The following MYO18A variants were observed in gnomAD, a reference collection of about 807,000 sequenced individuals.
MYO18A encodes the protein unconventional myosin-XVIIIa.
In MYO18A, 78 loss-of-function variants were observed where a neutral mutation model predicts 235.8. The observed-to-expected ratio is 0.33, with a 90% confidence interval of 0.28 to 0.40. The LOEUF (loss-of-function observed/expected upper bound fraction) is 0.40. Ranked by LOEUF, MYO18A falls within the 10% of genes least tolerant of loss-of-function variation. The probability of loss-of-function intolerance (pLI) is 1.00; values close to 1 mark genes in which losing one functional copy is unlikely to be tolerated. For missense variants in MYO18A, 2,215 were observed against 2,699.3 expected (o/e 0.82, Z 3.98); for synonymous variants, 977 against 1,077.8 (o/e 0.91, Z 1.83).
intron 2 of MYO18A, among the ~76,000 whole-genome samples, chr17:29,136,465 C>A (rs549928079): frequency 2.6e-5 from 4 of 152,084 alleles, no homozygotes; most frequent in African/African-American, 9.6e-5. Flanking sequence ...TCTTCCTTGA[C>A]TTGTTCTCTC....
In MYO18A at chr17:29,099,687, A is replaced by T. The variant is rs2066608988; in HGVS notation, c.3583T>A (p.Phe1195Ile). Reference sequence around the variant, plus strand: ...AGGTAGCCCCTGCAGGCTGCTTGGAACAGGGTTAGGTTCCTGCTGGTTTGT... The same window carrying T: ...AGGTAGCCCCTGCAGGCTGCTTGGATCAGGGTTAGGTTCCTGCTGGTTTGT... ...DEQTSRNLTL[F>I]QAACRGYLAR... Residue 1195 changes from phenylalanine to isoleucine, a missense_variant, in exon 22 of 42, where the codon TTC (phenylalanine) becomes ATC (isoleucine). Transcript: ENST00000527372. The T allele has an allele frequency of 6.2e-7, 1 of 1,613,582 alleles. No individual in the cohort carries two copies. The highest frequency in any genetic ancestry group is 1.3e-5 in the African/African-American group (1 of 74,886).
intron 2 of MYO18A, among the ~76,000 whole-genome samples, chr17:29,164,366 G>A (rs1258523729): frequency 6.6e-6 from 1 of 152,148 alleles, no homozygotes; most frequent in African/African-American, 2.4e-5. Flanking sequence ...ACCCTTCCCT[G>A]ACTAGCAAAG....
intron 2 of MYO18A, among the ~76,000 whole-genome samples, chr17:29,131,806 C>T (rs2067480951): frequency 6.6e-6 from 1 of 152,254 alleles, no homozygotes; most frequent in East Asian, 1.9e-4. Flanking sequence ...CTACAAGAGT[C>T]ATCCCTAGCT....
intron 30 of MYO18A, 133 bp downstream of exon 30, chr17:29,094,517 T>G: frequency 3.3e-6 from 3 of 904,144 alleles, no homozygotes; most frequent in South Asian, 1.6e-5. Context: ...CACTCCACAT[T>G]TTGTGAGTAG....
At chr17:29,172,526 C>A (rs1486169959) in intron 1 of MYO18A, among the ~76,000 whole-genome samples, 1 of 151,634 alleles carries the variant, frequency 6.6e-6, no homozygotes, top group African/African-American at 2.4e-5. Flanking sequence ...AAATCTCAGG[C>A]AAATCACTTA....
intron 18 of MYO18A, 91 bp from the exon 19 acceptor site, chr17:29,110,192 G>C (rs2066895309): frequency 6.6e-6 from 10 of 1,510,526 alleles, no homozygotes; most frequent in Admixed American, 5.5e-5. Flanking sequence ...CTGCTCACAG[G>C]GTAGCAGCGG....
intron 40 of MYO18A, among the ~76,000 whole-genome samples, chr17:29,083,201 C>A (rs879371995): frequency 6.6e-6 from 1 of 152,182 alleles, no homozygotes; most frequent in Non-Finnish European, 1.5e-5. Context: ...CTCAAGGTCT[C>A]CTCTTCCGTC....
intron 1 of MYO18A, among the ~76,000 whole-genome samples, chr17:29,168,837 C>T (rs956474436): frequency 2.0e-5 from 3 of 152,192 alleles, no homozygotes; most frequent in African/African-American, 7.2e-5. Context: ...TGGCTCATGC[C>T]TGTAATCCCC....
Position 29,121,808 on chromosome 17 carries a change from C to T in MYO18A, c.1194+43G>A, listed in dbSNP as rs763557339. 3 of 1,611,942 alleles carry T rather than the reference C, an allele frequency of 1.9e-6. No individual in the cohort carries two copies. The highest frequency in any genetic ancestry group is 2.7e-5 in the African/African-American group (2 of 74,886). On this transcript the variant is annotated intron_variant, in intron 4 of 41. Coordinates refer to ENST00000527372, the MANE Select transcript of MYO18A (RefSeq NM_078471.4). The surrounding 1 kb of genome is among the most constrained non-coding windows in gnomAD (Gnocchi z 4.2). Reference sequence around the variant, plus strand: ...GGATGGGCCTGCCCTGCCCAGTGCACTCCTGAGCCTCCTCCCCCACACCCA... The same window carrying T: ...GGATGGGCCTGCCCTGCCCAGTGCATTCCTGAGCCTCCTCCCCCACACCCA...
intron 1 of MYO18A, among the ~76,000 whole-genome samples, chr17:29,171,192 G>A (rs1489205055): frequency 2.0e-5 from 3 of 152,214 alleles, no homozygotes; most frequent in African/African-American, 7.2e-5. Context: ...GCTCACGCCT[G>A]TAATACCAGC....
chr17:29,166,883 CCTT>C lies in MYO18A; in HGVS notation c.55_57del (p.Lys19del), dbSNP rs766607480. The C allele has an allele frequency of 1.5e-5, 24 of 1,551,458 alleles. No individual in the cohort carries two copies. Among genetic ancestry groups the C allele is most frequent in the East Asian group, 1.5e-4 (6 of 40,926 alleles). On this transcript the variant is annotated inframe_deletion, in exon 2 of 42. Transcript: ENST00000527372. ...ATCCGCTCCTTTTTCTCCTTTTTCT[CCTT>C]CTTCTCCTTCCGCCCGCCATCTTTG...
intron 41 of MYO18A, chr17:29,080,843 T>C: frequency 1.0e-6 from 1 of 985,334 alleles, no homozygotes; most frequent in South Asian, 4.7e-5. Flanking sequence ...CTAGGGGGCC[T>C]CTCAGGGGAG....
intron 1 of MYO18A, among the ~76,000 whole-genome samples, chr17:29,167,667 C>T (rs2152978890): frequency 6.6e-6 from 1 of 151,552 alleles, no homozygotes; most frequent in South Asian, 2.1e-4. Context: ...GATCACACTA[C>T]TCCAGCTTGG....
chr17:29,094,516 T>G, intron 30 of MYO18A, 134 bp downstream of exon 30: 7 of 891,348 alleles, frequency 7.9e-6, no homozygotes, highest in Non-Finnish European at 1.2e-5. Flanking sequence ...TCACTCCACA[T>G]TTTGTGAGTA....
rs28587908 is a variant in MYO18A at position 29,115,692 on chromosome 17, G to A, written c.2199C>T (p.Pro733=). The A allele has an allele frequency of 2.3e-5, 37 of 1,605,836 alleles. No homozygotes were observed. The highest frequency in any genetic ancestry group is 4.5e-5 in the South Asian group (4 of 89,548). The stretch of plus-strand genomic sequence containing the variant: ...TCCCATCTCCCAGGCCACTCTCCTC[G>A]GGGCCCTGGCGGAAGGAGGTGGAGC... ...LQRSTSFRQG[P]EESGLGDGTG... The change falls in exon 12 of 42, where the codon CCC becomes CCT. Residue 733 remains proline (P), a synonymous_variant. Coordinates refer to ENST00000527372, the MANE Select transcript of MYO18A (RefSeq NM_078471.4).
chr17:29,103,221 C>T (rs867056369), intron 21 of MYO18A, among the ~76,000 whole-genome samples: 24 of 152,372 alleles, frequency 1.6e-4, no homozygotes, highest in African/African-American at 5.8e-4. Context: ...TACCCAAGGC[C>T]TCCTGCCTCT....
chr17:29,103,460 G>A, intron 21 of MYO18A, 139 bp downstream of exon 21: 1 of 822,856 alleles, frequency 1.2e-6, no homozygotes, highest in Non-Finnish European at 2.0e-6. Flanking sequence ...GCTGGGCGGG[G>A]TGGAGCTGGG....
intron 23 of MYO18A, 45 bp downstream of exon 23, chr17:29,098,781 G>T: frequency 6.2e-7 from 1 of 1,609,528 alleles, no homozygotes; most frequent in Non-Finnish European, 8.5e-7. Context: ...AACCAGCAAG[G>T]CTTCCCCCTA....
Position 29,086,536 on chromosome 17 carries a change from C to T in MYO18A, c.5754G>A (p.Leu1918=). 1.9e-6 allele frequency: 3 copies of T among 1,613,072 alleles called. No homozygotes were observed. Among genetic ancestry groups the T allele is most frequent in the Non-Finnish European group, 2.5e-6 (3 of 1,179,550 alleles). ...TGAATGCCAACTTTAGGTCAGCCTG[C>T]AGGCTCTGGTTAGCAGCCTCCAGGC... ...LESLEAANQS[L]QADLKLAFKR... is the part of the protein sequence containing the mutation. Residue 1918 remains leucine (L), a synonymous_variant, in exon 39 of 42, where the codon CTG becomes CTA. Transcript: ENST00000527372.
Sources: allele counts gnomAD v4.1 joint callset (sites outside exome capture counted in the v4.1 genomes callset), GRCh38; gene constraint gnomAD v4.1.1; non-coding constraint Gnocchi (gnomAD v3.1); transcripts MANE v1.5; gene names NCBI Gene and HGNC (gene_info 2026-07-23, HGNC 2026-07-21).